KCND2: variants seen among roughly 807,000 people sequenced by gnomAD.
The protein encoded by KCND2 is A-type voltage-gated potassium channel KCND2.
In KCND2, 16 loss-of-function variants were observed where a neutral mutation model predicts 54.4. The ratio of observed to expected loss-of-function variants is 0.29; its 90% confidence interval spans 0.20 to 0.45. KCND2 has a LOEUF of 0.45. Among genes scored for constraint, KCND2 ranks in the 20% least tolerant of loss-of-function variants. KCND2 has a pLI of 1.00. For synonymous variants in KCND2, 317 were observed against 310.7 expected, an observed-to-expected ratio of 1.02 and a Z score of -0.21; for missense variants, 486 against 824.2, an observed-to-expected ratio of 0.59 and a Z score of 5.02.
At chr7:120,501,337 A>G (rs1163629482) in intron 1 of KCND2, among the ~76,000 whole-genome samples, 1 of 152,174 alleles carries the variant, frequency 6.6e-6, no homozygotes, top group Non-Finnish European at 1.5e-5. Flanking sequence ...AGAAATATTT[A>G]TATGACAGGT....
At chr7:120,693,820 C>T (rs1218413718) in intron 1 of KCND2, among the ~76,000 whole-genome samples, 2 of 152,178 alleles carry the variant, frequency 1.3e-5, no homozygotes, top group Non-Finnish European at 2.9e-5. Context: ...TCTCTCCTTT[C>T]TGCTATACTG....
At chr7:120,332,281 C>A (rs1800080722) in intron 1 of KCND2, among the ~76,000 whole-genome samples, 1 of 152,008 alleles carries the variant, frequency 6.6e-6, no homozygotes, top group African/African-American at 2.4e-5. Context: ...CTTTTGGAAT[C>A]ATTTTAAAAT....
intron 1 of KCND2, among the ~76,000 whole-genome samples, chr7:120,425,594 A>C (rs1801695730): frequency 6.6e-6 from 1 of 152,228 alleles, no homozygotes; most frequent in Non-Finnish European, 1.5e-5. Context: ...TTCCAAGCTG[A>C]AGGTCTCTCG....
intron 1 of KCND2, among the ~76,000 whole-genome samples, chr7:120,693,577 G>T (rs1267538691): frequency 2.6e-5 from 4 of 152,122 alleles, no homozygotes; most frequent in Non-Finnish European, 5.9e-5. Flanking sequence ...TGAAGTGGAG[G>T]AAGAGGGAAA....
chr7:120,472,926 A>T (rs1802480120), intron 1 of KCND2, among the ~76,000 whole-genome samples: 1 of 152,226 alleles, frequency 6.6e-6, no homozygotes. Flanking sequence ...GCAGTTAATA[A>T]AGACTCTGAA....
At chr7:120,385,559 T>C (rs1010592438) in intron 1 of KCND2, among the ~76,000 whole-genome samples, 3 of 152,084 alleles carry the variant, frequency 2.0e-5, no homozygotes, top group African/African-American at 7.2e-5. Flanking sequence ...TAATCTGCCA[T>C]AAGAGAAAGG....
chr7:120,572,521 A>AAC (rs1554369505), intron 1 of KCND2, among the ~76,000 whole-genome samples: 1 of 151,158 alleles, frequency 6.6e-6, no homozygotes, highest in Non-Finnish European at 1.5e-5. Context: ...GTGTGAACAT[A>AAC]ATATATATAT....
At chr7:120,385,398 A>T (rs539974278) in intron 1 of KCND2, among the ~76,000 whole-genome samples, 1 of 152,222 alleles carries the variant, frequency 6.6e-6, no homozygotes, top group African/African-American at 2.4e-5. Flanking sequence ...GCAAAAAATT[A>T]AAAACTAGGG....
intron 1 of KCND2, among the ~76,000 whole-genome samples, chr7:120,565,005 A>T (rs947681758): frequency 6.6e-6 from 1 of 152,106 alleles, no homozygotes; most frequent in Admixed American, 6.5e-5. Context: ...AGGGAAGGGG[A>T]TTCTCATTTT....
At chr7:120,651,804 C>T (rs571612771) in intron 1 of KCND2, among the ~76,000 whole-genome samples, 1 of 152,274 alleles carries the variant, frequency 6.6e-6, no homozygotes, top group East Asian at 1.9e-4. Context: ...GAATATTAAT[C>T]AAGTCACATT....
intron 1 of KCND2, among the ~76,000 whole-genome samples, chr7:120,446,613 C>G (rs1383211748): frequency 6.6e-6 from 1 of 152,018 alleles, no homozygotes; most frequent in Non-Finnish European, 1.5e-5. Flanking sequence ...CATATACATT[C>G]ACATATATAT....
chr7:120,585,195 G>T (rs1439999860), intron 1 of KCND2, among the ~76,000 whole-genome samples: 1 of 150,764 alleles, frequency 6.6e-6, no homozygotes, highest in Non-Finnish European at 1.5e-5. Flanking sequence ...TTTTTTTAAA[G>T]AAAATCTCCT....
chr7:120,643,657 A>G (rs1005862309), intron 1 of KCND2, among the ~76,000 whole-genome samples: 2 of 152,008 alleles, frequency 1.3e-5, no homozygotes, highest in Admixed American at 1.3e-4. Context: ...AATAAGGATC[A>G]TAACAACTTA....
intron 1 of KCND2, among the ~76,000 whole-genome samples, chr7:120,505,270 C>T (rs1802996490): frequency 6.6e-6 from 1 of 151,466 alleles, no homozygotes; most frequent in Admixed American, 6.6e-5. Context: ...ATGAGTCCTC[C>T]CTCCCTCTTC....
At chr7:120,491,263 C>T (rs914140989) in intron 1 of KCND2, among the ~76,000 whole-genome samples, 6 of 152,044 alleles carry the variant, frequency 3.9e-5, no homozygotes, top group Non-Finnish European at 7.4e-5. Context: ...TGGGTAAGTC[C>T]ATATTCCCTA....
intron 1 of KCND2, among the ~76,000 whole-genome samples, chr7:120,408,036 T>A (rs1801388607): frequency 1.3e-5 from 2 of 151,896 alleles, no homozygotes; most frequent in African/African-American, 4.8e-5. Flanking sequence ...CAACACATGT[T>A]TAAGAAATGG....
chr7:120,361,549 T>C (rs1001531275), intron 1 of KCND2, among the ~76,000 whole-genome samples: 9 of 151,810 alleles, frequency 5.9e-5, no homozygotes, highest in Non-Finnish European at 1.3e-4. Flanking sequence ...GGATGGAGAG[T>C]TGGGATTTGA....
At chr7:120,627,968 C>T (rs1793183346) in intron 1 of KCND2, among the ~76,000 whole-genome samples, 1 of 151,938 alleles carries the variant, frequency 6.6e-6, no homozygotes, top group Non-Finnish European at 1.5e-5. Context: ...AATATTAAGG[C>T]ATCAATTAAT....
intron 1 of KCND2, among the ~76,000 whole-genome samples, chr7:120,702,833 C>T (rs571218323): frequency 5.6e-4 from 85 of 152,224 alleles, no homozygotes; most frequent in Non-Finnish European, 4.4e-5. Flanking sequence ...CTAATAGGTA[C>T]TAGGCATAAT....
Sources: allele counts gnomAD v4.1 joint callset (sites outside exome capture counted in the v4.1 genomes callset), GRCh38; gene constraint gnomAD v4.1.1; transcripts MANE v1.5; gene names NCBI Gene and HGNC (gene_info 2026-07-23, HGNC 2026-07-21).